Variants in CCDC141 observed in about 807,000 individuals in gnomAD.
CCDC141 encodes coiled-coil domain-containing protein 141.
Under a neutral mutation model 181.0 loss-of-function variants are expected in CCDC141, and 168 were observed. The observed-to-expected ratio is 0.93, with a 90% CI of 0.82 to 1.05. CCDC141 has a LOEUF of 1.05. Ranked by LOEUF, CCDC141 falls within the 50% of genes least tolerant of loss-of-function variation. The pLI is 0.00. For synonymous variants in CCDC141, 666 were observed against 642.3 expected (o/e 1.04, Z -0.56); for missense variants, 1,902 against 1,788.5 (o/e 1.06, Z -1.14).
At chr2:178,995,209 A>C (rs576575703) in intron 2 of CCDC141, among the ~76,000 whole-genome samples, 4 of 152,340 alleles carry the variant, frequency 2.6e-5, no homozygotes, top group African/African-American at 9.6e-5. Flanking sequence ...GAAATTTAAA[A>C]GAGATTTAAT....
At chr2:178,995,580 G>C (rs150588478) in intron 2 of CCDC141, among the ~76,000 whole-genome samples, 186 of 152,092 alleles carry the variant, frequency 1.2e-3, no homozygotes, top group Non-Finnish European at 2.3e-3. Context: ...ACTTAATAAA[G>C]AAATAAAATT....
chr2:179,024,718 T>C (rs2042784231), intron 2 of CCDC141, among the ~76,000 whole-genome samples: 1 of 152,218 alleles, frequency 6.6e-6, no homozygotes, highest in Non-Finnish European at 1.5e-5. Context: ...TCAATACTTC[T>C]GTGTTAGAAT....
At chr2:178,939,386 G>A (rs1392921602) in intron 6 of CCDC141, among the ~76,000 whole-genome samples, 1 of 152,112 alleles carries the variant, frequency 6.6e-6, no homozygotes, top group Non-Finnish European at 1.5e-5. Flanking sequence ...CAGGGCACAT[G>A]GCTGTCTACA....
chr2:178,908,570 C>G (rs1688085066), intron 7 of CCDC141, among the ~76,000 whole-genome samples: 1 of 152,182 alleles, frequency 6.6e-6, no homozygotes, highest in African/African-American at 2.4e-5. Context: ...TTAAATCACC[C>G]TTAAAGTTTA....
chr2:178,869,432 C>T, intron 14 of CCDC141, 127 bp from the exon 15 acceptor site: 1 of 634,336 alleles, frequency 1.6e-6, no homozygotes, highest in African/African-American at 1.9e-5. Flanking sequence ...TATGAATGCC[C>T]CCACCCTCCA....
intron 2 of CCDC141, among the ~76,000 whole-genome samples, chr2:178,993,405 G>A (rs1017427631): frequency 6.6e-6 from 1 of 152,136 alleles, no homozygotes. Context: ...CAGGCAAAGA[G>A]GGCTTGTGTA....
intron 2 of CCDC141, among the ~76,000 whole-genome samples, chr2:178,992,428 G>T (rs1458328655): frequency 2.9e-5 from 4 of 136,722 alleles, no homozygotes; most frequent in Non-Finnish European, 6.1e-5. Flanking sequence ...GACCTAAGTT[G>T]TCTCCAATTA....
At chr2:178,890,055 C>A (rs1303391851) in intron 8 of CCDC141, among the ~76,000 whole-genome samples, 3 of 151,930 alleles carry the variant, frequency 2.0e-5, no homozygotes, top group African/African-American at 7.3e-5. Flanking sequence ...ACTGTAGGCT[C>A]CAAGTTTTCT....
chr2:178,898,552 A>G lies in CCDC141; in HGVS notation c.1265+6777T>C, dbSNP rs561144764. On this transcript the variant is annotated intron_variant, in intron 8 of 23. Coordinates refer to ENST00000443758, the MANE Select transcript of CCDC141 (RefSeq NM_173648.4). ...GTGACAGATATTGTACTCCAAAAGG[A>G]TAACAACTATTTAATAATGACTTGG... 2.6e-5 allele frequency among the ~76,000 whole-genome samples: 4 copies of G among 152,334 alleles called. No homozygotes were observed. The East Asian group carries it at 7.7e-4, about 29-fold the overall frequency.
intron 2 of CCDC141, among the ~76,000 whole-genome samples, chr2:179,009,137 C>T (rs2042192804): frequency 6.6e-6 from 1 of 152,196 alleles, no homozygotes. Context: ...GTCTTCCCAT[C>T]TCTAATATAC....
intron 22 of CCDC141, 112 bp from the exon 23 acceptor site, chr2:178,837,856 A>T: frequency 8.3e-7 from 1 of 1,206,664 alleles, no homozygotes; most frequent in African/African-American, 1.5e-5. Context: ...TACAAGGTTA[A>T]AATTTAGGGG....
At chr2:178,916,942 T>C (rs533266337) in intron 7 of CCDC141, among the ~76,000 whole-genome samples, 6 of 151,896 alleles carry the variant, frequency 4.0e-5, no homozygotes, top group East Asian at 3.9e-4. Context: ...TCTTCTTCTT[T>C]TTTTTTTTAA....
At chr2:179,030,311 C>T (rs1432465235) in intron 2 of CCDC141, among the ~76,000 whole-genome samples, 3 of 152,044 alleles carry the variant, frequency 2.0e-5, no homozygotes, top group African/African-American at 7.2e-5. Flanking sequence ...AATACACAAT[C>T]TTTAATGACC....
chr2:179,041,439 G>T lies in CCDC141; in HGVS notation c.225+5845C>A, dbSNP rs1280114664. Among the ~76,000 whole-genome samples the T allele has an allele frequency of 3.5e-5, 5 of 141,878 alleles. No individual in the cohort carries two copies. The East Asian group carries it at 1.1e-3, about 30-fold the overall frequency. The allele number at this position is 141,878 out of a possible 152,430, so 93.1% of individuals were successfully genotyped here. The stretch of plus-strand genomic sequence containing the variant: ...GTTGGCTGCATGTATGTCTTCTTTT[G>T]AGAAGTGTCTGTTCATGTCCTTTGC... On this transcript the variant is annotated intron_variant, in intron 2 of 23. Transcript: ENST00000443758.
At chr2:179,045,215 A>C (rs1402368947) in intron 2 of CCDC141, among the ~76,000 whole-genome samples, 1 of 133,406 alleles carries the variant, frequency 7.5e-6, no homozygotes, top group Non-Finnish European at 1.6e-5. Context: ...TCCTGTGTTC[A>C]TGTGTTCTCA....
At chr2:178,897,192 A>G (rs1687452024) in intron 8 of CCDC141, among the ~76,000 whole-genome samples, 1 of 152,142 alleles carries the variant, frequency 6.6e-6, no homozygotes. Flanking sequence ...CATCTTATGT[A>G]TTTGATTTAT....
intron 8 of CCDC141, among the ~76,000 whole-genome samples, chr2:178,903,444 A>C (rs572220615): frequency 1.3e-5 from 2 of 152,250 alleles, no homozygotes; most frequent in African/African-American, 4.8e-5. Context: ...TTATGAGTTC[A>C]TGTCCTTTGT....
intron 20 of CCDC141, among the ~76,000 whole-genome samples, chr2:178,852,098 G>A (rs768838470): frequency 3.9e-5 from 6 of 152,042 alleles, no homozygotes; most frequent in Non-Finnish European, 5.9e-5. Flanking sequence ...AAGCAAAATC[G>A]CTCCTCAAAT....
chr2:178,851,389 G>C (rs193024583), intron 20 of CCDC141, among the ~76,000 whole-genome samples: 1 of 152,024 alleles, frequency 6.6e-6, no homozygotes, highest in South Asian at 2.1e-4. Flanking sequence ...TTCCCAGTAC[G>C]TCAGAATGTA....
Sources: allele counts gnomAD v4.1 joint callset (sites outside exome capture counted in the v4.1 genomes callset), GRCh38; gene constraint gnomAD v4.1.1; transcripts MANE v1.5; gene names NCBI Gene and HGNC (gene_info 2026-07-23, HGNC 2026-07-21).